Variants in C17orf113 observed in about 807,000 individuals in gnomAD.
The protein encoded by C17orf113 is chromosome 17 open reading frame 113.
C17orf113 carries 5 observed loss-of-function variants against 11.6 expected under a neutral mutation model. That is an observed-to-expected ratio of 0.43 (90% CI 0.23 to 0.91). The LOEUF is 0.91. Among genes scored for constraint, C17orf113 ranks in the 40% least tolerant of loss-of-function variants. C17orf113 has a pLI of 0.26. For synonymous variants in C17orf113, 327 were observed against 390.6 expected, an observed-to-expected ratio of 0.84 and a Z score of 1.92; for missense variants, 714 against 841.3, an observed-to-expected ratio of 0.85 and a Z score of 1.87.
At chr17:42,049,247 T>A (rs970560961) in intron 1 of C17orf113, among the ~76,000 whole-genome samples, 1 of 152,182 alleles carries the variant, frequency 6.6e-6, no homozygotes, top group African/African-American at 2.4e-5. Context: ...TAACCATCCA[T>A]TCCCAGGAAG....
intron 1 of C17orf113, among the ~76,000 whole-genome samples, chr17:42,047,191 C>A (rs571366510): frequency 6.6e-6 from 1 of 152,280 alleles, no homozygotes; most frequent in Admixed American, 6.5e-5. Flanking sequence ...GCCACCATGC[C>A]CGGCTAATTT....
At chr17:42,049,628 G>A (rs1180665418) in intron 1 of C17orf113, among the ~76,000 whole-genome samples, 15 of 152,256 alleles carry the variant, frequency 9.9e-5, no homozygotes, top group Non-Finnish European at 1.8e-4. Context: ...ACTATGCACA[G>A]GATCTCAGAA....
At chr17:42,041,713 G>A (rs1412464346) in intron 2 of C17orf113, among the ~76,000 whole-genome samples, 1 of 152,022 alleles carries the variant, frequency 6.6e-6, no homozygotes, top group East Asian at 1.9e-4. Flanking sequence ...AGTCACCCTG[G>A]GTCCCAGCTG....
intron 1 of C17orf113, among the ~76,000 whole-genome samples, chr17:42,044,998 A>C (rs2053122023): frequency 6.6e-6 from 1 of 151,502 alleles, no homozygotes; most frequent in South Asian, 2.1e-4. Context: ...GCTCACTGCA[A>C]GCTCTGCCTC....
At chr17:42,044,788 C>T (rs2053115518) in intron 1 of C17orf113, among the ~76,000 whole-genome samples, 1 of 152,132 alleles carries the variant, frequency 6.6e-6, no homozygotes, top group Non-Finnish European at 1.5e-5. Context: ...CCTGGGGCCT[C>T]AGACTGAAGG....
rs2052994968 is a variant in C17orf113 at position 42,040,617 on chromosome 17, CACCAG to C, written c.1111_1115del (p.Leu371AlafsTer91). The stretch of plus-strand genomic sequence containing the variant: ...CAAGGGCTGCAGCCTCCAGGGTGGG[CACCAG>C]GCCAGGCCAGGCCTCGGCCACTGCT... On this transcript the variant is annotated frameshift_variant, in exon 3 of 3. Coordinates refer to ENST00000587304, the MANE Select transcript of C17orf113 (RefSeq NM_001358661.2). LOFTEE classifies it low-confidence loss of function (END_TRUNC). 3.2e-6 allele frequency: 4 copies of C among 1,232,232 alleles called. No individual in the cohort carries two copies. Among genetic ancestry groups the C allele is most frequent in the Non-Finnish European group, 4.0e-6 (4 of 988,110 alleles). The allele number at this position is 1,232,232 out of a possible 1,614,324, so 76.3% of individuals were successfully genotyped here. A position where few individuals can be genotyped will look rare whatever the true frequency, so the allele number is the denominator to read the frequency against.
Position 42,047,080 on chromosome 17 carries a change from G to A in C17orf113, c.-188+3477C>T, listed in dbSNP as rs2053178915. Among the ~76,000 whole-genome samples, 7 of 146,774 alleles carry A rather than the reference G, an allele frequency of 4.8e-5. No individual in the cohort carries two copies. The South Asian group carries it at 1.5e-3, about 32-fold the overall frequency. ...GCAATTTCACTCTGTCACCCAGGCT[G>A]GAGCGCAGTGGCGCGATCTCGGCTC... On this transcript the variant is annotated intron_variant, in intron 1 of 2. Coordinates refer to ENST00000587304, the MANE Select transcript of C17orf113 (RefSeq NM_001358661.2).
At chr17:42,049,785 G>A (rs1837178125) in intron 1 of C17orf113, among the ~76,000 whole-genome samples, 1 of 152,210 alleles carries the variant, frequency 6.6e-6, no homozygotes, top group African/African-American at 2.4e-5. Context: ...TTCTAAAACG[G>A]CTCTGTCCAA....
chr17:42,043,958 A>G (rs1314134587), intron 1 of C17orf113, among the ~76,000 whole-genome samples: 1 of 151,984 alleles, frequency 6.6e-6, no homozygotes, highest in Non-Finnish European at 1.5e-5. Flanking sequence ...ACTAAAACTC[A>G]GAACTCTCAA....
chr17:42,046,960 T>A (rs1310066127), intron 1 of C17orf113, among the ~76,000 whole-genome samples: 1 of 151,612 alleles, frequency 6.6e-6, no homozygotes, highest in Admixed American at 6.6e-5. Flanking sequence ...CCTCCCGGAT[T>A]CAAGCGATTC....
At position 42,043,500 on chromosome 17, in the gene C17orf113, G is replaced by C. The variant is rs549997415; in HGVS notation, c.-124C>G. 1 of 821,290 alleles carries C rather than the reference G, an allele frequency of 1.2e-6. No homozygotes were observed. 50.9% of individuals were successfully genotyped at this position (821,290 alleles called of 1,614,324 possible). ...TGGGGAGGCAGGCTGGGGGCAGCCC[G>C]CCAGGCTAACAGGGCCCATCCATCT... On this transcript the variant is annotated 5_prime_UTR_variant, in exon 2 of 3. Transcript: ENST00000587304.
chr17:42,050,009 T>G lies in C17orf113; in HGVS notation c.-188+548A>C, dbSNP rs1422705654. ...ATAAACAGGTCAAATTCCATTGACA[T>G]TCTCCCCACCTCAACCTCAAGGAAA... On this transcript the variant is annotated intron_variant, in intron 1 of 2. Transcript: ENST00000587304. The surrounding 1 kb of genome is among the most constrained non-coding windows in gnomAD (Gnocchi z 5.6). 6.6e-6 allele frequency among the ~76,000 whole-genome samples: 1 copy of G among 152,212 alleles called. No homozygotes were observed. Among genetic ancestry groups the G allele is most frequent in the African/African-American group, 2.4e-5 (1 of 41,448 alleles).
intron 1 of C17orf113, among the ~76,000 whole-genome samples, chr17:42,045,274 A>G (rs1163931241): frequency 1.3e-5 from 2 of 151,776 alleles, no homozygotes; most frequent in African/African-American, 4.8e-5. Context: ...GATGGTCTCG[A>G]TCTCCTGACC....
At chr17:42,047,942 C>G (rs1281470927) in intron 1 of C17orf113, among the ~76,000 whole-genome samples, 3 of 152,088 alleles carry the variant, frequency 2.0e-5, no homozygotes, top group Non-Finnish European at 4.4e-5. Flanking sequence ...TGTGAGCCAC[C>G]GTGCCTGGCC....
In C17orf113 at chr17:42,043,066, C is replaced by G. The variant is rs1325502015; in HGVS notation, c.311G>C (p.Gly104Ala). The change falls in exon 2 of 3, where the codon GGT becomes GCT. Residue 104 changes from glycine (G) to alanine (A), a missense_variant. This residue lies in a region of C17orf113 where 516 missense variants were observed against 626.6 expected (regional missense o/e 0.82). Coordinates refer to ENST00000587304, the MANE Select transcript of C17orf113 (RefSeq NM_001358661.2). The part of the protein sequence containing the change: ...GQPPFEGQAE[G>A]GGACPGLATT... ...AGCCAGGCCTGGGCAGGCCCCTCCA[C>G]CTTCAGCCTGGCCCTCAAAAGGGGG... 1 of 1,232,280 alleles carries G rather than the reference C, an allele frequency of 8.1e-7. No homozygotes were observed. Among genetic ancestry groups the G allele is most frequent in the Non-Finnish European group, 1.0e-6 (1 of 988,028 alleles). 76.3% of individuals were successfully genotyped at this position (1,232,280 alleles called of 1,614,324 possible). A position where few individuals can be genotyped will look rare whatever the true frequency, so the allele number is the denominator to read the frequency against.
rs782261836 is a variant in C17orf113 at position 42,043,000 on chromosome 17, G to A, written c.377C>T (p.Pro126Leu). ...AGTAGTCAGCACAGCCACTTTGGCC[G>A]GGTCTAACTCCACCTTGACGCCCCT... ...ASRGVKVELD[P>L]AKVAVLTTVY... The change falls in exon 2 of 3, where the codon CCG becomes CTG. Residue 126 changes from proline to leucine, a missense_variant. Around this residue, in one of 3 missense-constraint regions of C17orf113, gnomAD observed 516 missense variants for 626.6 expected, o/e 0.82. Coordinates refer to ENST00000587304, the MANE Select transcript of C17orf113 (RefSeq NM_001358661.2). The A allele has an allele frequency of 6.0e-5, 74 of 1,232,186 alleles. No homozygotes were observed. The highest frequency in any genetic ancestry group is 6.8e-5 in the Non-Finnish European group (67 of 988,086). The allele number at this position is 1,232,186 out of a possible 1,614,324, so 76.3% of individuals were successfully genotyped here.
intron 1 of C17orf113, among the ~76,000 whole-genome samples, chr17:42,044,848 C>T (rs1325435674): frequency 6.6e-6 from 1 of 151,748 alleles, no homozygotes; most frequent in Non-Finnish European, 1.5e-5. Context: ...TCCCCAGGCA[C>T]GAGGCCAGGA....
At chr17:42,046,925 C>T (rs563616943) in intron 1 of C17orf113, among the ~76,000 whole-genome samples, 4 of 149,994 alleles carry the variant, frequency 2.7e-5, no homozygotes, top group Admixed American at 2.0e-4. Context: ...TGCAGTGGTG[C>T]GATCTCAGCT....
chr17:42,039,382 G>A lies in C17orf113; in HGVS notation c.*323C>T. The A allele has an allele frequency of 3.6e-6, 1 of 276,720 alleles. No individual in the cohort carries two copies. The highest frequency in any genetic ancestry group is 2.2e-5 in the African/African-American group (1 of 45,942). The allele number at this position is 276,720 out of a possible 1,614,324, so 17.1% of individuals were successfully genotyped here. On this transcript the variant is annotated 3_prime_UTR_variant, in exon 3 of 3. Transcript: ENST00000587304. ...AAGCCAAAAACTCCCATCTTTGGGG[G>A]GACCCAAACTTGCCCCGAGTCCAGA...
Sources: allele counts gnomAD v4.1 joint callset (sites outside exome capture counted in the v4.1 genomes callset), GRCh38; gene constraint gnomAD v4.1.1; regional missense constraint gnomAD v4.1.1; non-coding constraint Gnocchi (gnomAD v3.1); transcripts MANE v1.5; gene names NCBI Gene and HGNC (gene_info 2026-07-23, HGNC 2026-07-21).